Variants in CDAN1 observed in about 807,000 individuals in gnomAD.
CDAN1 encodes the protein codanin-1.
Under a neutral mutation model 139.8 loss-of-function variants are expected in CDAN1, and 107 were observed. The ratio of observed to expected loss-of-function variants is 0.77; its 90% CI spans 0.65 to 0.90. The LOEUF is 0.90. Ranked by LOEUF, CDAN1 falls within the 40% of genes least tolerant of loss-of-function variation. The probability of loss-of-function intolerance (pLI) is 0.00; values close to 1 mark genes in which losing one functional copy is unlikely to be tolerated. For missense variants in CDAN1, 1,667 were observed against 1,575.7 expected, an observed-to-expected ratio of 1.06 and a Z score of -0.98; for synonymous variants, 776 against 660.6, an observed-to-expected ratio of 1.17 and a Z score of -2.68.
At chr15:42,735,012 T>C (rs1243232584) in intron 6 of CDAN1, 88 bp downstream of exon 6, 7 of 875,138 alleles carry the variant, frequency 8.0e-6, no homozygotes, top group Non-Finnish European at 1.1e-5. Context: ...ACTGCCCCTG[T>C]GTTAAGCACC....
At chr15:42,729,147 C>G (rs200958657) in intron 18 of CDAN1, 21 bp from the exon 19 acceptor site, 59 of 1,613,464 alleles carry the variant, frequency 3.7e-5, no homozygotes, top group Non-Finnish European at 4.7e-5. Flanking sequence ...GAGGGAGAGG[C>G]AGCAAGGCTT....
intron 14 of CDAN1, among the ~76,000 whole-genome samples, 159 bp downstream of exon 14, chr15:42,730,439 G>A (rs561242209): frequency 2.6e-5 from 4 of 152,334 alleles, no homozygotes; most frequent in African/African-American, 9.6e-5. Context: ...ATTTCCCACT[G>A]TACCTCAGGG....
chr15:42,730,575 A>G (rs755490984), intron 14 of CDAN1, 23 bp downstream of exon 14: 3 of 1,613,816 alleles, frequency 1.9e-6, no homozygotes, highest in African/African-American at 2.7e-5. Flanking sequence ...CCTTTCATCA[A>G]GCCTCAGCCT....
In CDAN1 at chr15:42,727,786, G is replaced by A. The variant is rs1308523489; in HGVS notation, c.2948-17C>T. 6.2e-7 allele frequency: 1 copy of A among 1,606,800 alleles called. No individual in the cohort carries two copies. Among genetic ancestry groups the A allele is most frequent in the African/African-American group, 1.3e-5 (1 of 74,932 alleles). On this transcript the variant is annotated splice_polypyrimidine_tract_variant and intron_variant, in intron 22 of 27. Transcript: ENST00000356231. ...TGATCAGTGCTGTGGGGCAGAGGGA[G>A]AATGGGAAAGGAATCACGGGAGGGC...
chr15:42,736,723 C>T lies in CDAN1; in HGVS notation c.148G>A (p.Val50Ile). ...CTCAGGAAGTTCAACAGGAACGGTA[C>T]GAATTCTTTCCGCAGGGCCCGGAGT... is the stretch of plus-strand genomic sequence containing the variant. ...SSLRALRKEF[V>I]PFLLNFLREQ... Residue 50 changes from valine to isoleucine, a missense_variant, in exon 2 of 28, where the codon GTA becomes ATA. Physicochemically the swap from Val to Ile is conservative, Grantham distance 29 (BLOSUM62 3). Around this residue, in one of 3 missense-constraint regions of CDAN1, gnomAD observed 487 missense variants for 422.2 expected, o/e 1.15. Coordinates refer to ENST00000356231, the MANE Select transcript of CDAN1 (RefSeq NM_138477.4). The T allele has an allele frequency of 1.9e-6, 3 of 1,561,196 alleles. No individual in the cohort carries two copies. Among genetic ancestry groups the T allele is most frequent in the African/African-American group, 2.8e-5 (2 of 71,142 alleles).
chr15:42,732,959 G>A, intron 9 of CDAN1, 138 bp downstream of exon 9: 4 of 745,406 alleles, frequency 5.4e-6, no homozygotes, highest in South Asian at 1.5e-5. Context: ...AATAACTAAA[G>A]AGATTTCGGA....
Position 42,727,629 on chromosome 15 carries a change from C to T in CDAN1, c.3088G>A (p.Glu1030Lys), listed in dbSNP as rs562819613. Residue 1030 changes from glutamate (E) to lysine (K), a missense_variant, in exon 23 of 28, where the codon GAG (glutamate) becomes AAG (lysine). Physicochemically the swap from Glu to Lys is moderately conservative, Grantham distance 56. This residue lies in a region of CDAN1 where 936 missense variants were observed against 844.1 expected (regional missense o/e 1.11). Coordinates refer to ENST00000356231, the MANE Select transcript of CDAN1 (RefSeq NM_138477.4). ...GTAGGGTAGCCGTGTACTTTTATCTCGGAGATGAGGTGGGAGGGGAGGGGA... is the reference window on the plus strand; with the variant it reads ...GTAGGGTAGCCGTGTACTTTTATCTTGGAGATGAGGTGGGAGGGGAGGGGA... Reference protein sequence around the residue: ...HAPLPSHLISEIKDVLSLAVG... With the variant: ...HAPLPSHLISKIKDVLSLAVG... 48 of 1,572,300 alleles carry T rather than the reference C, an allele frequency of 3.1e-5. No homozygotes were observed. The highest frequency in any genetic ancestry group is 2.2e-4 in the Admixed American group (12 of 53,692).
chr15:42,725,722 G>C, intron 25 of CDAN1, 52 bp from the exon 26 acceptor site: 1 of 1,578,314 alleles, frequency 6.3e-7, no homozygotes, highest in Non-Finnish European at 8.7e-7. Flanking sequence ...GCCGGGTGCG[G>C]TGACTCACAC....
rs2061567723 is a variant in CDAN1 at position 42,728,811 on chromosome 15, C to A, written c.2646-1G>T. The A allele has an allele frequency of 6.2e-7, 1 of 1,614,036 alleles. No individual in the cohort carries two copies. The highest frequency in any genetic ancestry group is 8.5e-7 in the Non-Finnish European group (1 of 1,180,028). Reference sequence around the variant, plus strand: ...CACCAGATCTGCCACCAGTGTAGCCCTGCAGCAGGGACAGCAAGGTTGGGG... The same window carrying A: ...CACCAGATCTGCCACCAGTGTAGCCATGCAGCAGGGACAGCAAGGTTGGGG... On this transcript the variant is annotated splice_acceptor_variant, in intron 19 of 27. Transcript: ENST00000356231. LOFTEE classifies it high-confidence loss of function.
In CDAN1 at chr15:42,727,695, C is replaced by T. The variant is rs948707524; in HGVS notation, c.3022G>A (p.Gly1008Arg). The T allele has an allele frequency of 1.3e-6, 2 of 1,585,664 alleles. No homozygotes were observed. Among genetic ancestry groups the T allele is most frequent in the Admixed American group, 1.7e-5 (1 of 58,054 alleles). Residue 1008 changes from glycine to arginine, a missense_variant, in exon 23 of 28, where the codon GGG (glycine) becomes AGG (arginine). Physicochemically the swap from Gly to Arg is moderately radical, Grantham distance 125 (BLOSUM62 -2). This residue lies in a region of CDAN1 where 936 missense variants were observed against 844.1 expected (regional missense o/e 1.11). Transcript: ENST00000356231. ...RAQGPEPAARGERRGCSRACE... is the reference protein window; with the variant it reads ...RAQGPEPAARRERRGCSRACE... ...GCGCGGGAGCAGCCCCTCCGCTCCC[C>T]CCGGGCAGCAGGTTCAGGACCCTGG...
rs375514582 is a variant in CDAN1, at chr15:42,727,689, G to A, written c.3028C>T (p.Arg1010Trp). Residue 1010 changes from arginine to tryptophan, a missense_variant, in exon 23 of 28, where the codon CGG becomes TGG. This residue lies in a region of CDAN1 where 936 missense variants were observed against 844.1 expected (regional missense o/e 1.11). Coordinates refer to ENST00000356231, the MANE Select transcript of CDAN1 (RefSeq NM_138477.4). Reference sequence around the variant, plus strand: ...TCACAGGCGCGGGAGCAGCCCCTCCGCTCCCCCCGGGCAGCAGGTTCAGGA... The same window carrying A: ...TCACAGGCGCGGGAGCAGCCCCTCCACTCCCCCCGGGCAGCAGGTTCAGGA... ...QGPEPAARGE[R>W]RGCSRACEHH... 4.9e-5 allele frequency: 77 copies of A among 1,585,612 alleles called. No homozygotes were observed. The highest frequency in any genetic ancestry group is 1.7e-4 in the Middle Eastern group (1 of 5,948).
At position 42,728,277 on chromosome 15, in the gene CDAN1, G is replaced by A. The variant is rs1402411326; in HGVS notation, c.2805-10C>T. The A allele has an allele frequency of 3.1e-6, 5 of 1,613,674 alleles. 1 individual carries two copies. The highest frequency in any genetic ancestry group is 2.2e-5 in the South Asian group (2 of 91,084). ...CTTCCTTTGACAGAACCTAAAAGGG[G>A]ACAGATGGGGTCAGTGATCTCTGGG... On this transcript the variant is annotated splice_polypyrimidine_tract_variant and intron_variant, in intron 20 of 27. Transcript: ENST00000356231.
chr15:42,735,388 A>G lies in CDAN1; in HGVS notation c.944-14T>C, dbSNP rs1034307390. ...GTACCAGGTTCTCTAGATAGATACA[A>G]AAAGAAAGCCCATGGTATGGGCACC... is the stretch of plus-strand genomic sequence containing the variant. On this transcript the variant is annotated splice_polypyrimidine_tract_variant and intron_variant, in intron 4 of 27. Transcript: ENST00000356231. 3.1e-6 allele frequency: 5 copies of G among 1,597,162 alleles called. No homozygotes were observed. The highest frequency in any genetic ancestry group is 4.3e-6 in the Non-Finnish European group (5 of 1,170,604).
At position 42,735,369 on chromosome 15, in the gene CDAN1, G is replaced by A. The variant is rs1451710748; in HGVS notation, c.949C>T (p.Leu317=). 6.2e-7 allele frequency: 1 copy of A among 1,603,578 alleles called. No individual in the cohort carries two copies. Among genetic ancestry groups the A allele is most frequent in the Non-Finnish European group, 8.5e-7 (1 of 1,174,460 alleles). ...AGCTCCAAGAAGAGGTTTGGTACCA[G>A]GTTCTCTAGATAGATACAAAAAGAA... The part of the protein sequence containing the change: ...LVYSSCIAEN[L]VPNLFLELFF... Residue 317 remains leucine, a synonymous_variant, in exon 5 of 28, where the codon CTG becomes TTG. Transcript: ENST00000356231.
chr15:42,730,584 C>A lies in CDAN1; in HGVS notation c.2174+14G>T. 1.9e-6 allele frequency: 3 copies of A among 1,614,064 alleles called. No homozygotes were observed. Among genetic ancestry groups the A allele is most frequent in the Non-Finnish European group, 2.5e-6 (3 of 1,179,928 alleles). ...CCGAATCCTTTCATCAAGCCTCAGC[C>A]TTGTTCCACTCACCGGTGCAGGCGC... On this transcript the variant is annotated intron_variant, in intron 14 of 27. Coordinates refer to ENST00000356231, the MANE Select transcript of CDAN1 (RefSeq NM_138477.4).
rs1338899431 is a variant in CDAN1, at chr15:42,730,118, C to T, written c.2262+10G>A. On this transcript the variant is annotated intron_variant, in intron 15 of 27. Transcript: ENST00000356231. ...AACCTCTCTCCAATCTGGACCCTCA[C>T]TCTGCCCACCTGGAAAAGCCAGCCC... The T allele has an allele frequency of 1.2e-6, 2 of 1,613,362 alleles. No homozygotes were observed. The highest frequency in any genetic ancestry group is 1.7e-6 in the Non-Finnish European group (2 of 1,179,398).
chr15:42,724,797 G>A, intron 27 of CDAN1, 181 bp from the exon 28 acceptor site: 1 of 790,804 alleles, frequency 1.3e-6, no homozygotes, highest in Non-Finnish European at 2.1e-6. Flanking sequence ...AGTTATGGCA[G>A]GGAGCGAACT....
chr15:42,731,899 A>G (rs2061617870), intron 10 of CDAN1, 74 bp from the exon 11 acceptor site: 1 of 1,348,616 alleles, frequency 7.4e-7, no homozygotes, highest in African/African-American at 1.4e-5. Flanking sequence ...AAAAATAAGG[A>G]GAAAGTAATG....
At chr15:42,732,067 C>G (rs183330424) in intron 10 of CDAN1, among the ~76,000 whole-genome samples, 2 of 152,340 alleles carry the variant, frequency 1.3e-5, no homozygotes, top group Middle Eastern at 3.4e-3. Context: ...TGACTACTTA[C>G]TAAGCCTGGG....
Sources: gnomAD v4.1 joint callset for allele counts (sites outside exome capture counted in the v4.1 genomes callset) on GRCh38, gnomAD v4.1.1 for gene constraint, gnomAD v4.1.1 regional missense constraint, MANE v1.5 for transcripts, NCBI Gene and HGNC (gene_info 2026-07-23, HGNC 2026-07-21) for gene names.